ALK: variants seen among roughly 807,000 people sequenced by gnomAD.
ALK encodes ALK receptor tyrosine kinase, also known as ALK tyrosine kinase receptor.
In ALK, 74 loss-of-function variants were observed where a neutral mutation model predicts 163.1. That is an observed-to-expected ratio of 0.45 (90% CI 0.38 to 0.55). The LOEUF is 0.55. ALK is among the 20% of genes least tolerant of loss of function. ALK has a pLI of 0.00. For synonymous variants in ALK, 960 were observed against 843.2 expected, an observed-to-expected ratio of 1.14 and a Z score of -2.40; for missense variants, 2,063 against 2,105.3, an observed-to-expected ratio of 0.98 and a Z score of 0.39.
intron 3 of ALK, among the ~76,000 whole-genome samples, chr2:29,680,729 TTA>T (rs1277153826): frequency 1.3e-5 from 2 of 152,152 alleles, no homozygotes; most frequent in Non-Finnish European, 2.9e-5. Flanking sequence ...TTTTGTTTTC[TTA>T]TGAGTCACAT....
chr2:29,743,078 C>T (rs1329189279), intron 1 of ALK, among the ~76,000 whole-genome samples: 1 of 152,184 alleles, frequency 6.6e-6, no homozygotes, highest in Non-Finnish European at 1.5e-5. Context: ...ACAAGTTGTG[C>T]TCTTTCTGGG....
At chr2:29,905,215 C>T (rs1667511633) in intron 1 of ALK, among the ~76,000 whole-genome samples, 1 of 152,230 alleles carries the variant, frequency 6.6e-6, no homozygotes, top group Admixed American at 6.5e-5. Flanking sequence ...TGATTTTTCA[C>T]ATTTTCTGTT....
intron 4 of ALK, among the ~76,000 whole-genome samples, chr2:29,437,304 G>C (rs1316571133): frequency 6.6e-6 from 1 of 152,056 alleles, no homozygotes; most frequent in African/African-American, 2.4e-5. Flanking sequence ...TTTCTCCAGA[G>C]AATCTGTTGG....
chr2:29,829,183 G>T (rs1414452875), intron 1 of ALK, among the ~76,000 whole-genome samples: 1 of 93,088 alleles, frequency 1.1e-5, no homozygotes, highest in African/African-American at 4.3e-5. Flanking sequence ...GGGGAGGGGG[G>T]AGGGATAGCA....
intron 3 of ALK, among the ~76,000 whole-genome samples, chr2:29,676,908 C>G (rs1174171221): frequency 6.6e-6 from 1 of 151,728 alleles, no homozygotes; most frequent in Non-Finnish European, 1.5e-5. Context: ...AGTGGAATTA[C>G]TTTCTTAATT....
Position 29,223,392 on chromosome 2 carries a change from G to A in ALK, c.3309C>T (p.Ser1103=), listed in dbSNP as rs2148170809. The A allele has an allele frequency of 6.2e-7, 1 of 1,614,210 alleles. No individual in the cohort carries two copies. Residue 1103 remains serine, a synonymous_variant, in exon 20 of 29, where the codon TCC becomes TCT. Transcript: ENST00000389048. ...NPNYCFAGKT[S]SISDLKEVPR... is the part of the protein sequence containing the mutation. ...GCACCTCCTTCAGGTCACTGATGGA[G>A]GAGGTCTTGCCAGCAAAGCAGTAGT...
chr2:29,402,865 C>T (rs1669481310), intron 4 of ALK, among the ~76,000 whole-genome samples: 2 of 152,162 alleles, frequency 1.3e-5, no homozygotes, highest in African/African-American at 4.8e-5. Flanking sequence ...GTGATCACCA[C>T]AAATCCCTCC....
intron 3 of ALK, among the ~76,000 whole-genome samples, chr2:29,577,531 G>A (rs1674557875): frequency 6.6e-6 from 1 of 152,188 alleles, no homozygotes; most frequent in South Asian, 2.1e-4. Context: ...TCTACACGGA[G>A]GAGATCTGTG....
chr2:29,870,535 A>C (rs752458462), intron 1 of ALK, among the ~76,000 whole-genome samples: 1 of 152,240 alleles, frequency 6.6e-6, no homozygotes, highest in Non-Finnish European at 1.5e-5. Context: ...GTGGGGACAT[A>C]GAGCCAAACC....
chr2:29,772,077 C>CA (rs1460545378), intron 1 of ALK, among the ~76,000 whole-genome samples: 9 of 152,118 alleles, frequency 5.9e-5, no homozygotes, highest in Non-Finnish European at 1.0e-4. Context: ...CCCAGGATGC[C>CA]AGAGGACAAC....
chr2:29,354,588 TAGAG>T (rs6146695), intron 5 of ALK, among the ~76,000 whole-genome samples: 65,029 of 149,238 alleles, frequency 0.44, 14,380 homozygotes, highest in South Asian at 0.57. Flanking sequence ...GTCCCAGTTT[TAGAG>T]AGAGAGAGAG....
chr2:29,495,576 T>G (rs1284651290), intron 4 of ALK, among the ~76,000 whole-genome samples: 1 of 152,196 alleles, frequency 6.6e-6, no homozygotes, highest in East Asian at 1.9e-4. Context: ...TCTCCCTGAT[T>G]AGACTCACCT....
chr2:29,504,028 T>C (rs558294634), intron 4 of ALK, among the ~76,000 whole-genome samples: 1 of 152,076 alleles, frequency 6.6e-6, no homozygotes, highest in East Asian at 1.9e-4. Flanking sequence ...GAACCAAATA[T>C]ATTAATTAAT....
intron 4 of ALK, among the ~76,000 whole-genome samples, chr2:29,385,175 G>A (rs1266732102): frequency 6.6e-6 from 1 of 151,226 alleles, no homozygotes; most frequent in Non-Finnish European, 1.5e-5. Flanking sequence ...AAGTGGTAAA[G>A]GATTAAGGGA....
intron 3 of ALK, among the ~76,000 whole-genome samples, chr2:29,690,870 T>A (rs1678375656): frequency 6.6e-6 from 1 of 152,070 alleles, no homozygotes; most frequent in South Asian, 2.1e-4. Flanking sequence ...GAATATTGAG[T>A]TAGAAAACAA....
rs564085137 is a variant in ALK at position 29,192,804 on chromosome 2, G to T, written c.*420C>A. On this transcript the variant is annotated 3_prime_UTR_variant, in exon 29 of 29. Transcript: ENST00000389048. ...CATTACAAATAACTCCTTTATTTCC[G>T]TTCCCTCTCCCCTCAAATGGCTCAT... 1.0e-5 allele frequency: 3 copies of T among 286,772 alleles called. No homozygotes were observed. The highest frequency in any genetic ancestry group is 5.2e-5 in the East Asian group (1 of 19,272). 17.8% of individuals were successfully genotyped at this position (286,772 alleles called of 1,614,324 possible). A position where few individuals can be genotyped will look rare whatever the true frequency, so the allele number is the denominator to read the frequency against.
At chr2:29,832,152 T>G (rs1159807300) in intron 1 of ALK, among the ~76,000 whole-genome samples, 2 of 152,156 alleles carry the variant, frequency 1.3e-5, no homozygotes, top group African/African-American at 4.8e-5. Context: ...CTCAACATCA[T>G]GGAGAAACTG....
chr2:29,330,142 A>T (rs1294694817), intron 5 of ALK, among the ~76,000 whole-genome samples: 1 of 152,002 alleles, frequency 6.6e-6, no homozygotes, highest in African/African-American at 2.4e-5. Flanking sequence ...AACAGATCCC[A>T]CCTCCTTCCA....
chr2:29,271,689 C>T (rs56789266), intron 11 of ALK, among the ~76,000 whole-genome samples: 7,888 of 152,356 alleles, frequency 0.052, 247 homozygotes, highest in Middle Eastern at 0.078. Flanking sequence ...CACGGCTTGC[C>T]AGTGCAACCA....
Sources: allele counts gnomAD v4.1 joint callset (sites outside exome capture counted in the v4.1 genomes callset), GRCh38; gene constraint gnomAD v4.1.1; transcripts MANE v1.5; gene names NCBI Gene and HGNC (gene_info 2026-07-23, HGNC 2026-07-21).